Variants in LPCAT2 observed in about 807,000 individuals in gnomAD.
LPCAT2 encodes 1-AGP acyltransferase 11.
Under a neutral mutation model 64.7 loss-of-function variants are expected in LPCAT2, and 58 were observed. That is an observed-to-expected ratio of 0.90 (90% CI 0.73 to 1.12). The LOEUF is 1.12. Ranked by LOEUF, LPCAT2 falls within the 50% of genes most tolerant of loss-of-function variation. LPCAT2 has a pLI of 0.00. For synonymous variants in LPCAT2, 252 were observed against 245.3 expected (o/e 1.03, Z -0.26); for missense variants, 579 against 669.8 (o/e 0.86, Z 1.50).
chr16:55,521,400 T>C (rs1452379627), intron 1 of LPCAT2, among the ~76,000 whole-genome samples: 1 of 151,798 alleles, frequency 6.6e-6, no homozygotes, highest in African/African-American at 2.4e-5. Flanking sequence ...TTGTCAAACT[T>C]TTAAGAATAC....
At chr16:55,582,384 TAA>T (rs1158351813) in intron 13 of LPCAT2, among the ~76,000 whole-genome samples, 1 of 152,206 alleles carries the variant, frequency 6.6e-6, no homozygotes, top group African/African-American at 2.4e-5. Flanking sequence ...TAGTTTTGTC[TAA>T]GTTTTTGGGC....
intron 2 of LPCAT2, among the ~76,000 whole-genome samples, chr16:55,527,479 CAA>C (rs202093136): frequency 3.9e-4 from 23 of 58,358 alleles, no homozygotes; most frequent in Admixed American, 7.4e-4. Flanking sequence ...AACTCCATCT[CAA>C]AAAAAAAAAA....
chr16:55,581,692 C>A (rs1963888597), intron 13 of LPCAT2, among the ~76,000 whole-genome samples: 2 of 152,064 alleles, frequency 1.3e-5, no homozygotes, highest in South Asian at 4.2e-4. Context: ...TATTATAGAG[C>A]CAAATGGCAG....
At chr16:55,517,179 T>C (rs1963025206) in intron 1 of LPCAT2, among the ~76,000 whole-genome samples, 1 of 151,960 alleles carries the variant, frequency 6.6e-6, no homozygotes, top group Non-Finnish European at 1.5e-5. Flanking sequence ...TACTGACTTT[T>C]CCAAAATAAA....
At chr16:55,576,034 A>C (rs1963823746) in intron 12 of LPCAT2, among the ~76,000 whole-genome samples, 1 of 152,174 alleles carries the variant, frequency 6.6e-6, no homozygotes, top group South Asian at 2.1e-4. Flanking sequence ...GCAAATGGTC[A>C]TTTTTGGTTT....
Position 55,542,807 on chromosome 16 carries a change from C to T in LPCAT2, c.853-2928C>T, listed in dbSNP as rs1479159480. Among the ~76,000 whole-genome samples, 4 of 152,100 alleles carry T rather than the reference C, an allele frequency of 2.6e-5. No individual in the cohort carries two copies. The East Asian group carries it at 5.8e-4, about 22-fold the overall frequency. ...TGGATAATGAGGGGAAACTGAAGAA[C>T]TTAGCAGAGATTAGAGTCATAAGTT... is the stretch of plus-strand genomic sequence containing the variant. On this transcript the variant is annotated intron_variant, in intron 8 of 13. Coordinates refer to ENST00000262134, the MANE Select transcript of LPCAT2 (RefSeq NM_017839.5).
At chr16:55,565,007 CAAAT>C (rs1159920844) in intron 11 of LPCAT2, among the ~76,000 whole-genome samples, 1 of 151,890 alleles carries the variant, frequency 6.6e-6, no homozygotes, top group Non-Finnish European at 1.5e-5. Flanking sequence ...AGAAACCCAA[CAAAT>C]AACCAGATTT....
chr16:55,548,306 T>C (rs1378265769), intron 9 of LPCAT2, among the ~76,000 whole-genome samples: 1 of 152,188 alleles, frequency 6.6e-6, no homozygotes, highest in Non-Finnish European at 1.5e-5. Context: ...TATCATTTAA[T>C]TTGTGAGTAG....
Position 55,509,083 on chromosome 16 carries a change from A to T in LPCAT2, c.-99A>T, listed in dbSNP as rs759307530. On this transcript the variant is annotated 5_prime_UTR_variant, in exon 1 of 14. Transcript: ENST00000262134. The stretch of plus-strand genomic sequence containing the variant: ...TTCAGCGCCTGCGCAGAGGCTCCCC[A>T]GCGTCGCCCTAGGCTGGGACTCTAG... 1 of 1,069,672 alleles carries T rather than the reference A, an allele frequency of 9.3e-7. No homozygotes were observed. Among genetic ancestry groups the T allele is most frequent in the Non-Finnish European group, 1.2e-6 (1 of 827,466 alleles). 66.3% of individuals were successfully genotyped at this position (1,069,672 alleles called of 1,614,324 possible). A position where few individuals can be genotyped will look rare whatever the true frequency, so the allele number is the denominator to read the frequency against.
chr16:55,537,532 T>C (rs753192060), intron 7 of LPCAT2, 46 bp from the exon 8 acceptor site: 86 of 1,393,302 alleles, frequency 6.2e-5, no homozygotes, highest in Non-Finnish European at 8.5e-5. Context: ...TATAAGATGA[T>C]ACTTGCATGA....
At chr16:55,567,229 A>T (rs1461910223) in intron 11 of LPCAT2, 1 of 1,613,708 alleles carries the variant, frequency 6.2e-7, no homozygotes, top group African/African-American at 1.3e-5. Context: ...CAGTGTGTTT[A>T]TAAGCAGTAT....
chr16:55,549,302 C>A lies in LPCAT2; in HGVS notation c.961C>A (p.His321Asn). The A allele has an allele frequency of 6.3e-7, 1 of 1,595,038 alleles. No individual in the cohort carries two copies. The highest frequency in any genetic ancestry group is 1.1e-5 in the South Asian group (1 of 87,122). Residue 321 changes from histidine (H) to asparagine (N), a missense_variant, in exon 10 of 14, where the codon CAT becomes AAT. Coordinates refer to ENST00000262134, the MANE Select transcript of LPCAT2 (RefSeq NM_017839.5). ...AGCTCTGGGAATACCAGTAACAGAT[C>A]ATACCTATGAAGACTGCAGATTGAT... ...AEALGIPVTDHTYEDCRLMIS... is the reference protein window; with the variant it reads ...AEALGIPVTDNTYEDCRLMIS...
At position 55,586,335 on chromosome 16, in the gene LPCAT2, T is replaced by A. The variant is rs1188279631; in HGVS notation, c.*3237T>A. The stretch of plus-strand genomic sequence containing the variant: ...CACATGTTCTAACAAATTGTCTCCA[T>A]CGCACTTCAACAGCCAGGTCCCTAT... On this transcript the variant is annotated 3_prime_UTR_variant, in exon 14 of 14. Transcript: ENST00000262134. 1 of 152,150 alleles carries A rather than the reference T, an allele frequency of 6.6e-6. No individual in the cohort carries two copies. Among genetic ancestry groups the A allele is most frequent in the South Asian group, 2.1e-4 (1 of 4,828 alleles). 9.4% of individuals were successfully genotyped at this position (152,150 alleles called of 1,614,324 possible). A position where few individuals can be genotyped will look rare whatever the true frequency, so the allele number is the denominator to read the frequency against.
chr16:55,529,582 T>C (rs1963222648), intron 3 of LPCAT2, among the ~76,000 whole-genome samples: 1 of 152,202 alleles, frequency 6.6e-6, no homozygotes, highest in African/African-American at 2.4e-5. Context: ...GAAGAAGACC[T>C]TTAGGGAGAA....
chr16:55,579,997 T>C (rs1394812504), intron 13 of LPCAT2, among the ~76,000 whole-genome samples: 1 of 152,178 alleles, frequency 6.6e-6, no homozygotes, highest in African/African-American at 2.4e-5. Flanking sequence ...CACACCTCAA[T>C]GGAGAGACCA....
At chr16:55,534,600 A>G (rs1963300250) in intron 7 of LPCAT2, 123 bp downstream of exon 7, 1 of 469,822 alleles carries the variant, frequency 2.1e-6, no homozygotes, top group South Asian at 3.4e-5. Flanking sequence ...TAAAAACATA[A>G]AGATTTCTGA....
intron 1 of LPCAT2, among the ~76,000 whole-genome samples, chr16:55,512,123 A>G (rs772785216): frequency 2.0e-5 from 3 of 152,210 alleles, no homozygotes; most frequent in Admixed American, 6.5e-5. Flanking sequence ...GATCCCTTCT[A>G]TATTATAGTT....
intron 1 of LPCAT2, among the ~76,000 whole-genome samples, chr16:55,523,498 G>A (rs919878944): frequency 5.3e-5 from 8 of 151,534 alleles, no homozygotes; most frequent in African/African-American, 1.9e-4. Context: ...GTTCATATGA[G>A]GTATAATAGC....
Position 55,528,608 on chromosome 16 carries a change from AG to A in LPCAT2, c.529+16del, listed in dbSNP as rs1189177773. On this transcript the variant is annotated intron_variant, in intron 3 of 13. Transcript: ENST00000262134. ...CTCTGATTGGCAGTAAGTACTTGTA[AG>A]GTAACGTAGATAAAATATTTTCATG... is the stretch of plus-strand genomic sequence containing the variant. 4.5e-6 allele frequency: 7 copies of A among 1,558,264 alleles called. No homozygotes were observed. Among genetic ancestry groups the A allele is most frequent in the Non-Finnish European group, 6.2e-6 (7 of 1,131,328 alleles).
Sources: gnomAD v4.1 joint callset for allele counts (sites outside exome capture counted in the v4.1 genomes callset) on GRCh38, gnomAD v4.1.1 for gene constraint, MANE v1.5 for transcripts, NCBI Gene and HGNC (gene_info 2026-07-23, HGNC 2026-07-21) for gene names.